Variants in QSER1 observed in about 807,000 individuals in gnomAD.
The protein encoded by QSER1 is glutamine and serine-rich protein 1.
In QSER1, 49 loss-of-function variants were observed where a neutral mutation model predicts 158.5. The ratio of observed to expected loss-of-function variants is 0.31; its 90% CI spans 0.25 to 0.39. The LOEUF (loss-of-function observed/expected upper bound fraction) is 0.39. Among genes scored for constraint, QSER1 ranks in the 10% least tolerant of loss-of-function variants. The pLI is 1.00. For synonymous variants in QSER1, 650 were observed against 715.5 expected (o/e 0.91, Z 1.46); for missense variants, 1,754 against 2,010.3 (o/e 0.87, Z 2.44).
rs763962313 is a variant in QSER1, at chr11:32,935,388, C to T, written c.4130C>T (p.Thr1377Ile). The part of the protein sequence containing the change: ...YSQDAYKSVS[T>I]PLTTLDATSD... ...CAAGATGCTTATAAAAGCGTCTCTA[C>T]TCCCTTAACTACTTTGGATGCTACT... The change falls in exon 4 of 13, where the codon ACT becomes ATT. Residue 1377 changes from threonine to isoleucine, a missense_variant. This residue lies in a region of QSER1 where 1,707 missense variants were observed against 1,919.6 expected (regional missense o/e 0.89). Coordinates refer to ENST00000650167, the MANE Select transcript of QSER1 (RefSeq NM_001076786.3). 24 of 1,570,122 alleles carry T rather than the reference C, an allele frequency of 1.5e-5. No homozygotes were observed. Among genetic ancestry groups the T allele is most frequent in the Non-Finnish European group, 2.1e-5 (24 of 1,165,024 alleles).
intron 5 of QSER1, 87 bp from the exon 6 acceptor site, chr11:32,955,209 C>T: frequency 2.9e-6 from 2 of 693,696 alleles, no homozygotes; most frequent in East Asian, 3.0e-5. Flanking sequence ...CTAGGGTAGG[C>T]CTTTCAGATT....
chr11:32,904,744 C>T (rs1236618566), intron 1 of QSER1, among the ~76,000 whole-genome samples: 1 of 151,944 alleles, frequency 6.6e-6, no homozygotes, highest in African/African-American at 2.4e-5. Context: ...CCACTTTTCC[C>T]TGAGATAATC....
At chr11:32,898,761 A>C (rs1450441405) in intron 1 of QSER1, among the ~76,000 whole-genome samples, 1 of 152,084 alleles carries the variant, frequency 6.6e-6, no homozygotes, top group East Asian at 1.9e-4. Context: ...TTTTGTAGAG[A>C]TGAGGTCTTG....
chr11:32,906,232 G>A (rs145678014), intron 1 of QSER1, among the ~76,000 whole-genome samples: 2 of 151,526 alleles, frequency 1.3e-5, no homozygotes, highest in South Asian at 4.2e-4. Flanking sequence ...AGACCAGCCT[G>A]ATTAATATGG....
chr11:32,936,936 A>C (rs1852161178), intron 4 of QSER1, among the ~76,000 whole-genome samples: 1 of 152,238 alleles, frequency 6.6e-6, no homozygotes, highest in South Asian at 2.1e-4. Flanking sequence ...ACATGATAGA[A>C]AGTCAGTCTC....
chr11:32,964,739 T>C (rs7394660), intron 8 of QSER1, among the ~76,000 whole-genome samples: 4,332 of 100,522 alleles, frequency 0.043, 215 homozygotes, highest in Non-Finnish European at 0.061. Flanking sequence ...TATATATATA[T>C]ACACACACAC....
At chr11:32,908,275 T>G (rs1308055307) in intron 1 of QSER1, among the ~76,000 whole-genome samples, 1 of 152,210 alleles carries the variant, frequency 6.6e-6, no homozygotes, top group Admixed American at 6.5e-5. Flanking sequence ...CCTTGGTGGC[T>G]CTTGTTATCA....
At chr11:32,938,640 C>T (rs1852187797) in intron 4 of QSER1, among the ~76,000 whole-genome samples, 1 of 152,134 alleles carries the variant, frequency 6.6e-6, no homozygotes, top group African/African-American at 2.4e-5. Flanking sequence ...ACTGCTGTAG[C>T]CATTCTGAGC....
intron 7 of QSER1, 85 bp from the exon 8 acceptor site, chr11:32,957,784 T>C: frequency 9.2e-7 from 1 of 1,082,432 alleles, no homozygotes; most frequent in Non-Finnish European, 1.3e-6. Context: ...GATAATCTTC[T>C]CCTGTGATTC....
intron 8 of QSER1, among the ~76,000 whole-genome samples, chr11:32,965,944 A>AACACACACAG (rs1554932332): frequency 2.4e-5 from 3 of 123,520 alleles, no homozygotes; most frequent in African/African-American, 3.0e-5. Context: ...TCTGTCTCAA[A>AACACACACAG]ACACACACAC....
chr11:32,945,508 C>G (rs1243353878), intron 4 of QSER1, among the ~76,000 whole-genome samples: 2 of 152,024 alleles, frequency 1.3e-5, no homozygotes, highest in African/African-American at 2.4e-5. Flanking sequence ...CTTAGTTTGG[C>G]TGGGTATGAA....
chr11:32,942,552 G>A (rs1049542745), intron 4 of QSER1, among the ~76,000 whole-genome samples: 90 of 152,030 alleles, frequency 5.9e-4, no homozygotes, highest in African/African-American at 2.0e-3. Context: ...TAGATGTGCG[G>A]CATTATTTCT....
intron 10 of QSER1, among the ~76,000 whole-genome samples, chr11:32,971,780 C>T (rs550021965): frequency 2.6e-5 from 4 of 152,040 alleles, no homozygotes; most frequent in South Asian, 2.1e-4. Flanking sequence ...GTACCGTTTT[C>T]GGGACTGGCG....
At chr11:32,906,032 A>G (rs1384151252) in intron 1 of QSER1, among the ~76,000 whole-genome samples, 1 of 152,012 alleles carries the variant, frequency 6.6e-6, no homozygotes, top group African/African-American at 2.4e-5. Flanking sequence ...CTTTGTTGTG[A>G]ATTAATAATG....
Position 32,929,984 on chromosome 11 carries a change from C to T in QSER1, c.485-1759C>T, listed in dbSNP as rs545136039. Among the ~76,000 whole-genome samples, 20 of 152,326 alleles carry T rather than the reference C, an allele frequency of 1.3e-4. No homozygotes were observed. In the East Asian group the frequency reaches 3.9e-3, roughly 29 times the overall value. On this transcript the variant is annotated intron_variant, in intron 3 of 12. Coordinates refer to ENST00000650167, the MANE Select transcript of QSER1 (RefSeq NM_001076786.3). Reference sequence around the variant, plus strand: ...ATTCTAGGCATAACTGTGATAATGTCAGTCACTATGTAATTACAATTGGTT... The same window carrying T: ...ATTCTAGGCATAACTGTGATAATGTTAGTCACTATGTAATTACAATTGGTT...
intron 8 of QSER1, among the ~76,000 whole-genome samples, chr11:32,963,016 CATA>C (rs1295387685): frequency 6.6e-6 from 1 of 152,184 alleles, no homozygotes; most frequent in African/African-American, 2.4e-5. Flanking sequence ...TCCTCCTGGT[CATA>C]CCCATTATAT....
intron 4 of QSER1, among the ~76,000 whole-genome samples, chr11:32,947,996 C>T (rs1382557980): frequency 6.6e-6 from 1 of 152,192 alleles, no homozygotes; most frequent in East Asian, 1.9e-4. Flanking sequence ...GAAAATCAAA[C>T]ATGCATAAAG....
At chr11:32,935,507 C>CAGG in intron 4 of QSER1, 72 bp downstream of exon 4, 1 of 1,131,338 alleles carries the variant, frequency 8.8e-7, no homozygotes, top group East Asian at 2.4e-5. Flanking sequence ...ACATTTTAAG[C>CAGG]TTTTTTCACT....
intron 8 of QSER1, among the ~76,000 whole-genome samples, chr11:32,960,568 A>G (rs1852606028): frequency 6.6e-6 from 1 of 152,222 alleles, no homozygotes; most frequent in Non-Finnish European, 1.5e-5. Flanking sequence ...CTCAAAAAAA[A>G]GAAAAAAGAA....
Sources: allele counts gnomAD v4.1 joint callset (sites outside exome capture counted in the v4.1 genomes callset), GRCh38; gene constraint gnomAD v4.1.1; regional missense constraint gnomAD v4.1.1; transcripts MANE v1.5; gene names NCBI Gene and HGNC (gene_info 2026-07-23, HGNC 2026-07-21).